Variants in SECISBP2 observed in about 807,000 individuals in gnomAD.
SECISBP2 encodes SECIS binding protein 2.
In SECISBP2, 96 loss-of-function variants were observed where a neutral mutation model predicts 98.2. That is an observed-to-expected ratio of 0.98 (90% CI 0.83 to 1.16). The LOEUF (loss-of-function observed/expected upper bound fraction) is 1.16. Among genes scored for constraint, SECISBP2 ranks in the 50% most tolerant of loss-of-function variants. The pLI, the probability that SECISBP2 is intolerant of heterozygous loss-of-function variation, is 0.00. For missense variants in SECISBP2, 1,046 were observed against 1,022.9 expected (o/e 1.02, Z -0.31); for synonymous variants, 407 against 370.2 (o/e 1.10, Z -1.14).
At chr9:89,347,279 G>A (rs1184569867) in intron 11 of SECISBP2, among the ~76,000 whole-genome samples, 3 of 152,156 alleles carry the variant, frequency 2.0e-5, no homozygotes, top group Non-Finnish European at 4.4e-5. Context: ...AAAGGAACAT[G>A]TTTTATTTTT....
chr9:89,326,598 C>T (rs1187411209), intron 4 of SECISBP2, among the ~76,000 whole-genome samples: 3 of 152,190 alleles, frequency 2.0e-5, no homozygotes, highest in South Asian at 4.1e-4. Context: ...TGCCCAGCTG[C>T]ACAATCAGGT....
At chr9:89,346,391 C>T (rs1830422242) in intron 10 of SECISBP2, among the ~76,000 whole-genome samples, 1 of 152,110 alleles carries the variant, frequency 6.6e-6, no homozygotes. Context: ...AGAAATATTA[C>T]TAGAATCTTA....
At chr9:89,351,586 A>G (rs934835797) in intron 14 of SECISBP2, among the ~76,000 whole-genome samples, 2 of 152,166 alleles carry the variant, frequency 1.3e-5, no homozygotes, top group African/African-American at 4.8e-5. Context: ...TGCAGTGTCA[A>G]ATTCAGCTTT....
intron 3 of SECISBP2, 97 bp downstream of exon 3, chr9:89,325,773 A>G (rs1826585587): frequency 1.9e-6 from 3 of 1,594,486 alleles, no homozygotes; most frequent in Non-Finnish European, 2.6e-6. Context: ...TTTAAGTATC[A>G]TGTATTTTTT....
intron 7 of SECISBP2, among the ~76,000 whole-genome samples, chr9:89,337,789 G>A (rs765028104): frequency 1.2e-4 from 19 of 152,210 alleles, no homozygotes; most frequent in Non-Finnish European, 2.6e-4. Flanking sequence ...CCGACAACAC[G>A]CAGACAGATG....
intron 10 of SECISBP2, among the ~76,000 whole-genome samples, chr9:89,345,538 A>C (rs1830295266): frequency 6.6e-6 from 1 of 152,168 alleles, no homozygotes; most frequent in African/African-American, 2.4e-5. Context: ...CAGAGGGCTG[A>C]TATGACTGTG....
At position 89,357,700 on chromosome 9, in the gene SECISBP2, G is replaced by C. The variant is rs1832305403; in HGVS notation, c.2268+135G>C. 8.3e-6 allele frequency: 9 copies of C among 1,080,826 alleles called. No homozygotes were observed. The East Asian group carries it at 2.1e-4, about 26-fold the overall frequency. The allele number at this position is 1,080,826 out of a possible 1,614,324, so 67.0% of individuals were successfully genotyped here. A position where few individuals can be genotyped will look rare whatever the true frequency, so the allele number is the denominator to read the frequency against. ...GTCATTGAGGAGGAGCCACCACTTA[G>C]GCAGAACCTTCTTATAAAAAAGTAG... On this transcript the variant is annotated intron_variant, in intron 15 of 16. Transcript: ENST00000375807.
chr9:89,364,885 C>T, the SECISBP2 span: 1 of 142,022 alleles, frequency 7.0e-6, no homozygotes, highest in Non-Finnish European at 1.5e-5. Context: ...AGGGCTACTC[C>T]TAGACACTAT....
intron 1 of SECISBP2, 153 bp downstream of exon 1, chr9:89,318,765 G>A: frequency 8.1e-7 from 1 of 1,239,682 alleles, no homozygotes; most frequent in Non-Finnish European, 1.0e-6. Context: ...CGCGATCTTC[G>A]CGCCCCGCCT....
Position 89,341,610 on chromosome 9 carries a change from A to G in SECISBP2, c.1435+131A>G, listed in dbSNP as rs565054640. On this transcript the variant is annotated intron_variant, in intron 10 of 16. Transcript: ENST00000375807. ...GTGTGATGCTAGAATAAGCATAGAT[A>G]AGGACCTGTGGAATAGAATTAAGAG... 2.0e-5 allele frequency: 22 copies of G among 1,079,344 alleles called. No homozygotes were observed. In the African/African-American group the frequency reaches 2.7e-4, roughly 13 times the overall value. The allele number at this position is 1,079,344 out of a possible 1,614,324, so 66.9% of individuals were successfully genotyped here. A position where few individuals can be genotyped will look rare whatever the true frequency, so the allele number is the denominator to read the frequency against.
At chr9:89,348,877 G>A (rs1344712759) in intron 12 of SECISBP2, among the ~76,000 whole-genome samples, 1 of 152,250 alleles carries the variant, frequency 6.6e-6, no homozygotes, top group African/African-American at 2.4e-5. Context: ...TCATTACTGT[G>A]TAAAATTCGG....
intron 14 of SECISBP2, among the ~76,000 whole-genome samples, chr9:89,354,319 G>T (rs1464320830): frequency 6.6e-6 from 1 of 152,246 alleles, no homozygotes; most frequent in Non-Finnish European, 1.5e-5. Flanking sequence ...ACTTACTACA[G>T]TGAAAAGGCA....
intron 7 of SECISBP2, among the ~76,000 whole-genome samples, chr9:89,336,346 A>G (rs1245265971): frequency 6.6e-6 from 1 of 151,246 alleles, no homozygotes; most frequent in Non-Finnish European, 1.5e-5. Flanking sequence ...TTTAAGTTAC[A>G]TTTTTATTGA....
intron 7 of SECISBP2, among the ~76,000 whole-genome samples, chr9:89,336,081 C>G (rs1379700736): frequency 3.0e-5 from 1 of 33,058 alleles, no homozygotes; most frequent in African/African-American, 1.2e-4. Context: ...ATTTTAAGTG[C>G]TTTTTTTTTT....
rs577395060 is a variant in SECISBP2, at chr9:89,338,886, G to GTTT, written c.1212+318_1212+320dup. ...TTCCCCTCAGTTATCTTCTTTACCT[G>GTTT]TTTTTTTTTTTTTTCTTGCTTTAGG... On this transcript the variant is annotated intron_variant, in intron 8 of 16. Transcript: ENST00000375807. 7.7e-3 allele frequency among the ~76,000 whole-genome samples: 1,090 copies of GTTT among 140,734 alleles called. 8 individuals are homozygous for GTTT. The highest frequency in any genetic ancestry group is 0.025 in the African/African-American group (964 of 38,564). The allele number at this position is 140,734 out of a possible 152,430, so 92.3% of individuals were successfully genotyped here. A position where few individuals can be genotyped will look rare whatever the true frequency, so the allele number is the denominator to read the frequency against.
chr9:89,319,576 C>T, intron 1 of SECISBP2, 76 bp from the exon 2 acceptor site: 2 of 1,540,082 alleles, frequency 1.3e-6, no homozygotes, highest in Middle Eastern at 1.7e-4. Flanking sequence ...TTAGGAACAC[C>T]TCTTGGGTCT....
At chr9:89,338,153 G>A (rs138911678) in intron 7 of SECISBP2, among the ~76,000 whole-genome samples, 1 of 152,324 alleles carries the variant, frequency 6.6e-6, no homozygotes, top group African/African-American at 2.4e-5. Context: ...ATATGGAGAG[G>A]TTAGGCTGGG....
rs1395921612 is a variant in SECISBP2, at chr9:89,341,480, G to T, written c.1435+1G>T. On this transcript the variant is annotated splice_donor_variant, in intron 10 of 16. Transcript: ENST00000375807. LOFTEE classifies it high-confidence loss of function. The stretch of plus-strand genomic sequence containing the variant: ...TCCTCCAAACCAGTGGTAGTCTCAG[G>T]TAAGAGAGTCTTTCCATCTCAGGCA... 1.9e-6 allele frequency: 3 copies of T among 1,613,890 alleles called. No individual in the cohort carries two copies. Among genetic ancestry groups the T allele is most frequent in the Non-Finnish European group, 2.5e-6 (3 of 1,180,002 alleles).
Position 89,357,990 on chromosome 9 carries a change from G to A in SECISBP2, c.2269-9G>A. 1 of 1,612,508 alleles carries A rather than the reference G, an allele frequency of 6.2e-7. No individual in the cohort carries two copies. Among genetic ancestry groups the A allele is most frequent in the Non-Finnish European group, 8.5e-7 (1 of 1,179,904 alleles). ...GGATGTTACCTGTGTGCTCTCACTT[G>A]TGCCCAAGGATCAGTTCCACAAGAT... On this transcript the variant is annotated splice_polypyrimidine_tract_variant and intron_variant, in intron 15 of 16. Coordinates refer to ENST00000375807, the MANE Select transcript of SECISBP2 (RefSeq NM_024077.5).
Sources: allele counts gnomAD v4.1 joint callset (sites outside exome capture counted in the v4.1 genomes callset), GRCh38; gene constraint gnomAD v4.1.1; transcripts MANE v1.5; gene names NCBI Gene and HGNC (gene_info 2026-07-23, HGNC 2026-07-21).